NGEF: variants seen among roughly 807,000 people sequenced by gnomAD.
The protein encoded by NGEF is ephexin-1.
NGEF carries 31 observed loss-of-function variants against 80.9 expected under a neutral mutation model. That is an observed-to-expected ratio of 0.38 (90% CI 0.29 to 0.52). The LOEUF (loss-of-function observed/expected upper bound fraction) is 0.52, where lower values mean the gene tolerates loss of function less well. Among genes scored for constraint, NGEF ranks in the 20% least tolerant of loss-of-function variants. The pLI, the probability that NGEF is intolerant of heterozygous loss-of-function variation, is 0.84. For missense variants in NGEF, 709 were observed against 926.2 expected, an observed-to-expected ratio of 0.77 and a Z score of 3.04; for synonymous variants, 371 against 370.2, an observed-to-expected ratio of 1.00 and a Z score of -0.03.
rs67252740 is a variant in NGEF at position 232,879,420 on chromosome 2, G to GCCCCCC, written c.*63_*68dup. On this transcript the variant is annotated 3_prime_UTR_variant, in exon 15 of 15. Transcript: ENST00000264051. Reference sequence around the variant, plus strand: ...GAGGTGCTGGCCTGTGCTTCCCAGAGCCCCCCCCCCCCCACCTTCTGTCGG... The same window carrying GCCCCCC: ...GAGGTGCTGGCCTGTGCTTCCCAGAGCCCCCCCCCCCCCCCCCCCACCTTCTGTCGG... 2.4e-4 allele frequency: 291 copies of GCCCCCC among 1,231,248 alleles called. 5 individuals carry two copies. In the South Asian group the frequency reaches 2.4e-3, roughly 10 times the overall value. The allele number at this position is 1,231,248 out of a possible 1,614,324, so 76.3% of individuals were successfully genotyped here. A position where few individuals can be genotyped will look rare whatever the true frequency, so the allele number is the denominator to read the frequency against.
chr2:232,970,052 A>G, intron 3 of NGEF, 162 bp downstream of exon 3: 1 of 389,012 alleles, frequency 2.6e-6, no homozygotes, highest in Non-Finnish European at 4.5e-6. Flanking sequence ...GTTTTTTTTA[A>G]ATTATGGAGT....
At chr2:232,919,999 T>C (rs1017959580) in intron 5 of NGEF, among the ~76,000 whole-genome samples, 4 of 152,128 alleles carry the variant, frequency 2.6e-5, no homozygotes, top group African/African-American at 9.7e-5. Context: ...AAATACACAA[T>C]GATGATAATG....
chr2:232,924,526 G>A (rs944600258), intron 4 of NGEF, among the ~76,000 whole-genome samples: 11 of 152,160 alleles, frequency 7.2e-5, no homozygotes, highest in Admixed American at 2.0e-4. Context: ...ATCTTCTAAA[G>A]GCTTGTCAAA....
rs1288705189 is a variant in NGEF, at chr2:233,013,176, C to T, written c.-183G>A. ...CAGGATGGTGTGTCCCCGGCTAAAT[C>T]CACAGGCGCTCCACTCTGTCCCAGA... On this transcript the variant is annotated 5_prime_UTR_variant, in exon 1 of 15. Transcript: ENST00000264051. 2.1e-6 allele frequency: 1 copy of T among 471,160 alleles called. No individual in the cohort carries two copies. The highest frequency in any genetic ancestry group is 4.4e-6 in the Non-Finnish European group (1 of 227,086). 29.2% of individuals were successfully genotyped at this position (471,160 alleles called of 1,614,324 possible).
intron 1 of NGEF, among the ~76,000 whole-genome samples, chr2:232,997,473 C>T (rs934426871): frequency 2.0e-5 from 3 of 152,094 alleles, no homozygotes; most frequent in African/African-American, 7.2e-5. Flanking sequence ...GGCATCCAAG[C>T]CAGAACCCCC....
chr2:232,948,147 A>ATGTGTGTGTGTG lies in NGEF; in HGVS notation c.384-20973_384-20962dup, dbSNP rs375640068. Among the ~76,000 whole-genome samples, 261 of 141,650 alleles carry ATGTGTGTGTGTG rather than the reference A, an allele frequency of 1.8e-3. 1 individual carries two copies. Among genetic ancestry groups the ATGTGTGTGTGTG allele is most frequent in the African/African-American group, 5.9e-3 (225 of 38,036 alleles). 92.9% of individuals were successfully genotyped at this position (141,650 alleles called of 152,430 possible). A position where few individuals can be genotyped will look rare whatever the true frequency, so the allele number is the denominator to read the frequency against. Reference sequence around the variant, plus strand: ...GGGGTCATTTGAATATAGCCTGGAGATGTGTGTGTGTGTGTGTGTGTGTGT... The same window carrying ATGTGTGTGTGTG: ...GGGGTCATTTGAATATAGCCTGGAGATGTGTGTGTGTGTGTGTGTGTGTGTGTGTGTGTGTGT... On this transcript the variant is annotated intron_variant, in intron 3 of 14. Coordinates refer to ENST00000264051, the MANE Select transcript of NGEF (RefSeq NM_019850.3).
At position 232,920,363 on chromosome 2, in the gene NGEF, T is replaced by C; in HGVS notation, c.749A>G (p.Asn250Ser). The change falls in exon 5 of 15, where the codon AAC becomes AGC. Residue 250 changes from asparagine (N) to serine (S), a missense_variant. Coordinates refer to ENST00000264051, the MANE Select transcript of NGEF (RefSeq NM_019850.3). ...CLLSNPHSRF[N>S]LWQDLPEIRS... ...GATCTCGGGAAGATCCTGCCAGAGG[T>C]TGAACCTTGAGTGGGGGTTACTGAG... 6.2e-7 allele frequency: 1 copy of C among 1,614,028 alleles called. No homozygotes were observed. Among genetic ancestry groups the C allele is most frequent in the Non-Finnish European group, 8.5e-7 (1 of 1,179,966 alleles).
At chr2:232,988,668 G>A (rs1694589871) in intron 1 of NGEF, among the ~76,000 whole-genome samples, 1 of 152,198 alleles carries the variant, frequency 6.6e-6, no homozygotes, top group African/African-American at 2.4e-5. Context: ...CTGGGTGCAG[G>A]TGACTCACTC....
At chr2:232,970,071 A>G (rs1366777078) in intron 3 of NGEF, 143 bp downstream of exon 3, 1 of 407,818 alleles carries the variant, frequency 2.5e-6, no homozygotes, top group Non-Finnish European at 4.3e-6. Flanking sequence ...GTTTTTATTT[A>G]TTTATTTTTT....
At chr2:232,942,890 G>A (rs1693468424) in intron 3 of NGEF, among the ~76,000 whole-genome samples, 1 of 145,334 alleles carries the variant, frequency 6.9e-6, no homozygotes, top group Admixed American at 7.1e-5. Flanking sequence ...TTTACCAGCA[G>A]AGAAGTGAAA....
chr2:232,942,659 G>A (rs13415131), intron 3 of NGEF, among the ~76,000 whole-genome samples: 2,319 of 152,156 alleles, frequency 0.015, 24 homozygotes, highest in Non-Finnish European at 0.022. Flanking sequence ...GGTGGATCAC[G>A]AGGCCAGGAG....
At chr2:232,906,330 G>A (rs1239353441) in intron 5 of NGEF, among the ~76,000 whole-genome samples, 2 of 62,608 alleles carry the variant, frequency 3.2e-5, no homozygotes, top group South Asian at 4.6e-4. Context: ...CCACCACCCC[G>A]TGTGGGAGGG....
At chr2:232,923,627 C>G (rs76206977) in intron 4 of NGEF, among the ~76,000 whole-genome samples, 1 of 151,934 alleles carries the variant, frequency 6.6e-6, no homozygotes, top group Non-Finnish European at 1.5e-5. Context: ...CCCAGCTACT[C>G]GGGAGGATGA....
chr2:233,004,633 C>T (rs1234365701), intron 1 of NGEF, among the ~76,000 whole-genome samples: 1 of 152,206 alleles, frequency 6.6e-6, no homozygotes, highest in Non-Finnish European at 1.5e-5. Context: ...TGCATCACGT[C>T]ACACCCATGC....
rs1694624035 is a variant in NGEF at position 232,990,233 on chromosome 2, T to C, written c.-74-15269A>G. On this transcript the variant is annotated intron_variant, in intron 1 of 14. Transcript: ENST00000264051. Reference sequence around the variant, plus strand: ...TCCTGAATAAGATAGACTCACTGTATGTCAACAAAAACAAGTTAGAAAGTG... The same window carrying C: ...TCCTGAATAAGATAGACTCACTGTACGTCAACAAAAACAAGTTAGAAAGTG... Among the ~76,000 whole-genome samples, 4 of 152,224 alleles carry C rather than the reference T, an allele frequency of 2.6e-5. No homozygotes were observed. In the South Asian group the frequency reaches 8.3e-4, roughly 32 times the overall value.
At chr2:232,891,300 A>G (rs1271877750) in intron 8 of NGEF, 58 bp downstream of exon 8, 1 of 1,603,078 alleles carries the variant, frequency 6.2e-7, no homozygotes, top group East Asian at 2.2e-5. Flanking sequence ...AGGGCCCGGG[A>G]ATGACCACAG....
In NGEF at chr2:232,925,778, T is replaced by A. The variant is rs577671934; in HGVS notation, c.526+1266A>T. Among the ~76,000 whole-genome samples the A allele has an allele frequency of 3.3e-5, 5 of 152,282 alleles. No homozygotes were observed. The South Asian group carries it at 6.2e-4, about 19-fold the overall frequency. On this transcript the variant is annotated intron_variant, in intron 4 of 14. Transcript: ENST00000264051. Reference sequence around the variant, plus strand: ...TGGCAGAGCTGGAAGAAAGCGGTTGTCAGGGGCCTTTGTTTTAAAATAAGG... The same window carrying A: ...TGGCAGAGCTGGAAGAAAGCGGTTGACAGGGGCCTTTGTTTTAAAATAAGG...
chr2:233,006,484 G>A (rs1330423976), intron 1 of NGEF, among the ~76,000 whole-genome samples: 1 of 152,188 alleles, frequency 6.6e-6, no homozygotes, highest in African/African-American at 2.4e-5. Context: ...CAGAGTATGA[G>A]GAGCTGGTTT....
At chr2:232,996,967 C>A (rs1349873053) in intron 1 of NGEF, among the ~76,000 whole-genome samples, 2 of 152,198 alleles carry the variant, frequency 1.3e-5, no homozygotes, top group Admixed American at 1.3e-4. Context: ...AGTCACTGCT[C>A]CCTGCCCCCA....
Sources: gnomAD v4.1 joint callset for allele counts (sites outside exome capture counted in the v4.1 genomes callset) on GRCh38, gnomAD v4.1.1 for gene constraint, MANE v1.5 for transcripts, NCBI Gene and HGNC (gene_info 2026-07-23, HGNC 2026-07-21) for gene names.